The following HHAT variants were observed in gnomAD, a reference collection of about 807,000 sequenced individuals.
The protein encoded by HHAT is protein-cysteine N-palmitoyltransferase HHAT.
HHAT carries 47 observed loss-of-function variants against 70.8 expected under a neutral mutation model. The ratio of observed to expected loss-of-function variants is 0.66; its 90% CI spans 0.53 to 0.85. The LOEUF (loss-of-function observed/expected upper bound fraction) is 0.85, where lower values mean the gene tolerates loss of function less well. Among genes scored for constraint, HHAT ranks in the 40% least tolerant of loss-of-function variants. The probability of loss-of-function intolerance (pLI) is 0.00; values close to 1 mark genes in which losing one functional copy is unlikely to be tolerated. For synonymous variants in HHAT, 228 were observed against 247.6 expected (o/e 0.92, Z 0.74); for missense variants, 609 against 604.8 (o/e 1.01, Z -0.07).
At chr1:210,357,331 G>C (rs960850039) in intron 2 of HHAT, among the ~76,000 whole-genome samples, 5 of 152,166 alleles carry the variant, frequency 3.3e-5, no homozygotes, top group Admixed American at 6.5e-5. Context: ...CCCTGAAGCA[G>C]GTCATAAAAC....
At chr1:210,403,468 A>G (rs1042593164) in intron 5 of HHAT, among the ~76,000 whole-genome samples, 1 of 152,216 alleles carries the variant, frequency 6.6e-6, no homozygotes, top group Admixed American at 6.5e-5. Flanking sequence ...AACACTGAGG[A>G]AGGAGATCAT....
At chr1:210,575,286 T>G (rs1657412183) in intron 9 of HHAT, among the ~76,000 whole-genome samples, 1 of 152,102 alleles carries the variant, frequency 6.6e-6, no homozygotes, top group Non-Finnish European at 1.5e-5. Flanking sequence ...TATAAATGCT[T>G]TCAGCATCGT....
chr1:210,523,805 C>G (rs1198371630), intron 9 of HHAT, among the ~76,000 whole-genome samples: 3 of 149,398 alleles, frequency 2.0e-5, no homozygotes, highest in Non-Finnish European at 3.0e-5. Flanking sequence ...TCATTTAACC[C>G]ATTTATTTTT....
chr1:210,658,012 A>G (rs568501279), intron 11 of HHAT, among the ~76,000 whole-genome samples: 7 of 152,304 alleles, frequency 4.6e-5, no homozygotes, highest in Non-Finnish European at 7.4e-5. Flanking sequence ...AGTCTTATGA[A>G]TGGGTACTCT....
intron 11 of HHAT, among the ~76,000 whole-genome samples, chr1:210,645,409 C>T (rs370518014): frequency 6.6e-6 from 1 of 152,174 alleles, no homozygotes. Context: ...TCCTGAGTAG[C>T]TGGGACTACA....
chr1:210,590,779 G>A (rs1249868690), intron 10 of HHAT, among the ~76,000 whole-genome samples: 6 of 152,060 alleles, frequency 3.9e-5, no homozygotes, highest in Admixed American at 3.9e-4. Flanking sequence ...ATACTTAAGT[G>A]AATATTTGGG....
At chr1:210,578,872 G>T (rs1222700124) in intron 9 of HHAT, among the ~76,000 whole-genome samples, 1 of 152,176 alleles carries the variant, frequency 6.6e-6, no homozygotes, top group Non-Finnish European at 1.5e-5. Context: ...GTTTACTGTA[G>T]CACTATTCAC....
At chr1:210,575,295 G>A (rs527512651) in intron 9 of HHAT, among the ~76,000 whole-genome samples, 9 of 152,014 alleles carry the variant, frequency 5.9e-5, no homozygotes, top group South Asian at 2.1e-4. Context: ...TTTCAGCATC[G>A]TCTTAGGAGA....
chr1:210,505,046 C>T (rs112565499), intron 8 of HHAT, among the ~76,000 whole-genome samples: 45 of 151,996 alleles, frequency 3.0e-4, no homozygotes, highest in African/African-American at 9.9e-4. Flanking sequence ...CTACAGGTGC[C>T]CACCACTACA....
intron 6 of HHAT, among the ~76,000 whole-genome samples, chr1:210,405,602 A>G (rs940290607): frequency 6.6e-6 from 1 of 152,198 alleles, no homozygotes; most frequent in African/African-American, 2.4e-5. Flanking sequence ...TCTGGGCAGC[A>G]ACATGAAAGT....
intron 9 of HHAT, among the ~76,000 whole-genome samples, chr1:210,541,456 G>T (rs561899381): frequency 1.3e-5 from 2 of 152,118 alleles, no homozygotes; most frequent in African/African-American, 2.4e-5. Context: ...AGCCAGCTGC[G>T]GTGGCTCACG....
At chr1:210,616,058 C>G (rs1667659678) in intron 10 of HHAT, among the ~76,000 whole-genome samples, 1 of 152,090 alleles carries the variant, frequency 6.6e-6, no homozygotes. Context: ...TGGAACTGCC[C>G]CCCACTTTAA....
At chr1:210,555,637 C>A (rs145578132) in intron 9 of HHAT, among the ~76,000 whole-genome samples, 1 of 152,342 alleles carries the variant, frequency 6.6e-6, no homozygotes, top group Non-Finnish European at 1.5e-5. Context: ...CTTTGACACA[C>A]TGTCCCTCAT....
At chr1:210,652,571 T>G (rs1244708914) in intron 11 of HHAT, among the ~76,000 whole-genome samples, 1 of 152,160 alleles carries the variant, frequency 6.6e-6, no homozygotes, top group Non-Finnish European at 1.5e-5. Context: ...TGGCCCTGCC[T>G]ATGGAGGCTC....
Position 210,550,018 on chromosome 1 carries a change from C to G in HHAT, c.1043+36830C>G, listed in dbSNP as rs538575038. Among the ~76,000 whole-genome samples the G allele has an allele frequency of 1.3e-5, 2 of 149,344 alleles. 1 individual carries two copies. Among genetic ancestry groups the G allele is most frequent in the African/African-American group, 4.9e-5 (2 of 40,446 alleles). On this transcript the variant is annotated intron_variant, in intron 9 of 11. Coordinates refer to ENST00000261458, the MANE Select transcript of HHAT (RefSeq NM_018194.6). ...CTGTCTCTACTCACCCCCTTATCCA[C>G]TATCCTCCCCAGGCACTGTGCCGAT...
chr1:210,473,434 C>T (rs72747442), intron 8 of HHAT, among the ~76,000 whole-genome samples: 2,471 of 151,904 alleles, frequency 0.016, 38 homozygotes, highest in Non-Finnish European at 0.023. Flanking sequence ...GAGGAGGGGT[C>T]CATTCAGTTG....
intron 1 of HHAT, among the ~76,000 whole-genome samples, chr1:210,339,367 G>T (rs996000719): frequency 6.6e-6 from 1 of 152,162 alleles, no homozygotes; most frequent in Non-Finnish European, 1.5e-5. Flanking sequence ...TGTGCTAGAT[G>T]TGTGCCCACC....
chr1:210,455,473 C>T (rs1298846523), intron 7 of HHAT, among the ~76,000 whole-genome samples: 1 of 152,158 alleles, frequency 6.6e-6, no homozygotes, highest in East Asian at 1.9e-4. Flanking sequence ...GAAATAACCT[C>T]TGTCAGCTCC....
chr1:210,610,275 A>G (rs1666316831), intron 10 of HHAT, among the ~76,000 whole-genome samples: 1 of 152,184 alleles, frequency 6.6e-6, no homozygotes. Context: ...ATGATCAGTG[A>G]TGTTGAGCTT....
Sources: allele counts gnomAD v4.1 joint callset (sites outside exome capture counted in the v4.1 genomes callset), GRCh38; gene constraint gnomAD v4.1.1; transcripts MANE v1.5; gene names NCBI Gene and HGNC (gene_info 2026-07-23, HGNC 2026-07-21).